PEBP1: variants seen among roughly 807,000 people sequenced by gnomAD.
PEBP1 encodes phosphatidylethanolamine-binding protein 1.
A neutral mutation model predicts 22.7 loss-of-function variants in PEBP1; 17 were observed. That is an observed-to-expected ratio of 0.75 (90% confidence interval 0.51 to 1.12). The LOEUF is 1.12. Among genes scored for constraint, PEBP1 ranks in the 50% most tolerant of loss-of-function variants. The pLI is 0.00. For missense variants in PEBP1, 205 were observed against 243.5 expected (o/e 0.84, Z 1.05); for synonymous variants, 106 against 104.3 (o/e 1.02, Z -0.10).
At chr12:118,140,403 C>T (rs777965368) in intron 3 of PEBP1, among the ~76,000 whole-genome samples, 4 of 152,124 alleles carry the variant, frequency 2.6e-5, no homozygotes, top group African/African-American at 9.7e-5. Context: ...AACCCTCTCA[C>T]GCATGCATAG....
chr12:118,136,437 G>T lies in PEBP1; in HGVS notation c.135+93G>T. 1 of 1,398,572 alleles carries T rather than the reference G, an allele frequency of 7.2e-7. No individual in the cohort carries two copies. The highest frequency in any genetic ancestry group is 9.4e-7 in the Non-Finnish European group (1 of 1,060,650). The allele number at this position is 1,398,572 out of a possible 1,614,324, so 86.6% of individuals were successfully genotyped here. A position where few individuals can be genotyped will look rare whatever the true frequency, so the allele number is the denominator to read the frequency against. Reference sequence around the variant, plus strand: ...ACCCAGCGGAGACAGGGCCAGGGGCGGTGGGGAGGTTCAGCCTGCGTGTGT... The same window carrying T: ...ACCCAGCGGAGACAGGGCCAGGGGCTGTGGGGAGGTTCAGCCTGCGTGTGT... On this transcript the variant is annotated intron_variant, in intron 1 of 3. Transcript: ENST00000261313. The surrounding 1 kb of genome is among the most constrained non-coding windows in gnomAD (Gnocchi z 5.6).
Position 118,139,556 on chromosome 12 carries a change from G to A in PEBP1, c.346+5G>A, listed in dbSNP as rs570592739. On this transcript the variant is annotated splice_donor_5th_base_variant and intron_variant, in intron 3 of 3. Transcript: ENST00000261313. ...CGGGGCCTCCCAAGGGCACAGGTTA[G>A]TAAAGGTTGTTTTTGGTGGGAGGTT... 94 of 1,597,674 alleles carry A rather than the reference G, an allele frequency of 5.9e-5. No homozygotes were observed. The highest frequency in any genetic ancestry group is 4.1e-4 in the Admixed American group (24 of 58,740).
chr12:118,136,317 G>C lies in PEBP1; in HGVS notation c.108G>C (p.Glu36Asp), dbSNP rs368061622. ...HVTYAGAAVD[E>D]LGKVLTPTQV... ...CCTACGCCGGGGCGGCGGTGGACGA[G>C]CTGGGCAAAGTGCTGACGCCCACCC... The change falls in exon 1 of 4, where the codon GAG (glutamate) becomes GAC (aspartate). Residue 36 changes from glutamate to aspartate, a missense_variant. By Grantham distance (45) the Glu-to-Asp change is conservative. Transcript: ENST00000261313. This position sits in a 1 kb window ranked among gnomAD's most constrained non-coding sequence, Gnocchi z 5.6. 1.3e-6 allele frequency: 2 copies of C among 1,544,570 alleles called. No homozygotes were observed. Among genetic ancestry groups the C allele is most frequent in the African/African-American group, 2.7e-5 (2 of 72,884 alleles).
intron 3 of PEBP1, among the ~76,000 whole-genome samples, chr12:118,142,104 C>A (rs147035101): frequency 6.6e-6 from 1 of 151,752 alleles, no homozygotes; most frequent in East Asian, 1.9e-4. Flanking sequence ...AAGACAAATA[C>A]CGTACAATTC....
Position 118,145,002 on chromosome 12 carries a change from G to C in PEBP1, c.*199G>C. Reference sequence around the variant, plus strand: ...ACTCACTCACTCTGATTTATGTTTTGATCAAATTTGAACTTCATTTTGGGG... The same window carrying C: ...ACTCACTCACTCTGATTTATGTTTTCATCAAATTTGAACTTCATTTTGGGG... On this transcript the variant is annotated 3_prime_UTR_variant, in exon 4 of 4. Coordinates refer to ENST00000261313, the MANE Select transcript of PEBP1 (RefSeq NM_002567.4). 6.6e-7 allele frequency: 1 copy of C among 1,512,522 alleles called. No homozygotes were observed. The highest frequency in any genetic ancestry group is 1.7e-4 in the Middle Eastern group (1 of 5,862). The allele number at this position is 1,512,522 out of a possible 1,614,324, so 93.7% of individuals were successfully genotyped here.
chr12:118,141,734 C>CA (rs554125706), intron 3 of PEBP1, among the ~76,000 whole-genome samples: 9 of 149,982 alleles, frequency 6.0e-5, no homozygotes, highest in South Asian at 2.1e-4. Flanking sequence ...CCTCTGCCTC[C>CA]AAAAAAAAAG....
intron 3 of PEBP1, among the ~76,000 whole-genome samples, chr12:118,140,137 A>G (rs2034102116): frequency 6.6e-6 from 1 of 152,198 alleles, no homozygotes; most frequent in Non-Finnish European, 1.5e-5. Context: ...ATTTAGAGAT[A>G]GAAAGAGAAA....
In PEBP1 at chr12:118,136,182, C is replaced by T; in HGVS notation, c.-28C>T. On this transcript the variant is annotated 5_prime_UTR_variant, in exon 1 of 4. Coordinates refer to ENST00000261313, the MANE Select transcript of PEBP1 (RefSeq NM_002567.4). This position sits in a 1 kb window ranked among gnomAD's most constrained non-coding sequence, Gnocchi z 5.6. ...CCGCGCCTGGCCTACCGCGGCACTC[C>T]CGGCTGCACGCTCTGCTTGGCCTCG... is the stretch of plus-strand genomic sequence containing the variant. The T allele has an allele frequency of 1.9e-6, 3 of 1,541,250 alleles. No homozygotes were observed. Among genetic ancestry groups the T allele is most frequent in the Non-Finnish European group, 2.6e-6 (3 of 1,145,864 alleles).
At chr12:118,141,472 G>A (rs533182093) in intron 3 of PEBP1, among the ~76,000 whole-genome samples, 4 of 152,164 alleles carry the variant, frequency 2.6e-5, no homozygotes, top group Non-Finnish European at 4.4e-5. Flanking sequence ...GGTGGCTCAC[G>A]CCTATAATCC....
In PEBP1 at chr12:118,145,481, T is replaced by C. The variant is rs1195010297; in HGVS notation, c.*678T>C. 1 of 157,946 alleles carries C rather than the reference T, an allele frequency of 6.3e-6. No individual in the cohort carries two copies. Among genetic ancestry groups the C allele is most frequent in the Non-Finnish European group, 1.4e-5 (1 of 71,572 alleles). The allele number at this position is 157,946 out of a possible 1,614,324, so 9.8% of individuals were successfully genotyped here. A position where few individuals can be genotyped will look rare whatever the true frequency, so the allele number is the denominator to read the frequency against. ...AACCTGAGATCTGTGTTTTTTAAAT[T>C]GATCGTTCTTCATGGGGGTAAGAAA... On this transcript the variant is annotated 3_prime_UTR_variant, in exon 4 of 4. Transcript: ENST00000261313.
intron 2 of PEBP1, among the ~76,000 whole-genome samples, chr12:118,138,465 C>G: frequency 6.6e-6 from 1 of 152,120 alleles, no homozygotes; most frequent in South Asian, 2.1e-4. Flanking sequence ...GTGGCATGAT[C>G]TTGGCTCACT....
At chr12:118,137,942 C>T (rs1377337875) in intron 1 of PEBP1, 97 bp from the exon 2 acceptor site, 3 of 792,102 alleles carry the variant, frequency 3.8e-6, no homozygotes, top group African/African-American at 3.4e-5. Flanking sequence ...TCTCCTAGGC[C>T]TCCCAAAGTG....
At chr12:118,144,412 G>A (rs1438208507) in intron 3 of PEBP1, among the ~76,000 whole-genome samples, 174 bp from the exon 4 acceptor site, 1 of 152,174 alleles carries the variant, frequency 6.6e-6, no homozygotes, top group Non-Finnish European at 1.5e-5. Context: ...CCATTAATGT[G>A]TTAATTGCCA....
At chr12:118,141,476 ATAATCCCAGCAT>A (rs1283056860) in intron 3 of PEBP1, among the ~76,000 whole-genome samples, 4 of 152,194 alleles carry the variant, frequency 2.6e-5, no homozygotes, top group South Asian at 4.1e-4. Flanking sequence ...GCTCACGCCT[ATAATCCCAGCAT>A]GTTGGGAGGT....
At position 118,136,241 on chromosome 12, in the gene PEBP1, C is replaced by T; in HGVS notation, c.32C>T (p.Pro11Leu). The change falls in exon 1 of 4, where the codon CCC (proline) becomes CTC (leucine). Residue 11 changes from proline (P) to leucine (L), a missense_variant. Coordinates refer to ENST00000261313, the MANE Select transcript of PEBP1 (RefSeq NM_002567.4). This position sits in a 1 kb window ranked among gnomAD's most constrained non-coding sequence, Gnocchi z 5.6. MPVDLSKWSG[P>L]LSLQEVDEQP... ...GTGGACCTCAGCAAGTGGTCCGGGC[C>T]CTTGAGCCTGCAAGAAGTGGACGAG... The T allele has an allele frequency of 1.3e-6, 2 of 1,547,142 alleles. No homozygotes were observed. The highest frequency in any genetic ancestry group is 1.7e-6 in the Non-Finnish European group (2 of 1,146,590).
chr12:118,140,469 T>C (rs1165431744), intron 3 of PEBP1, among the ~76,000 whole-genome samples: 3 of 152,102 alleles, frequency 2.0e-5, no homozygotes, highest in Non-Finnish European at 2.9e-5. Flanking sequence ...AGGGCAGTTA[T>C]AAAATTAGGC....
chr12:118,136,300 G>C lies in PEBP1; in HGVS notation c.91G>C (p.Gly31Arg). ...PQHPLHVTYA[G>R]AAVDELGKVL... is the part of the protein sequence containing the mutation. ...GCACCCGCTGCATGTCACCTACGCC[G>C]GGGCGGCGGTGGACGAGCTGGGCAA... The change falls in exon 1 of 4, where the codon GGG becomes CGG. Residue 31 changes from glycine to arginine, a missense_variant. By Grantham distance (125) the Gly-to-Arg change is moderately radical. Coordinates refer to ENST00000261313, the MANE Select transcript of PEBP1 (RefSeq NM_002567.4). This position sits in a 1 kb window ranked among gnomAD's most constrained non-coding sequence, Gnocchi z 5.6. 1.3e-6 allele frequency: 2 copies of C among 1,546,180 alleles called. No homozygotes were observed. Among genetic ancestry groups the C allele is most frequent in the African/African-American group, 2.7e-5 (2 of 73,016 alleles).
rs984917904 is a variant in PEBP1, at chr12:118,136,358, C to G, written c.135+14C>G. The G allele has an allele frequency of 1.1e-5, 17 of 1,536,526 alleles. No individual in the cohort carries two copies. The South Asian group carries it at 1.6e-4, about 14-fold the overall frequency. On this transcript the variant is annotated intron_variant, in intron 1 of 3. Coordinates refer to ENST00000261313, the MANE Select transcript of PEBP1 (RefSeq NM_002567.4). This position sits in a 1 kb window ranked among gnomAD's most constrained non-coding sequence, Gnocchi z 5.6. Reference sequence around the variant, plus strand: ...ACGCCCACCCAGGTACACCGGGCGGCGGGCGTGCAGCGAGCGGCACGGCGC... The same window carrying G: ...ACGCCCACCCAGGTACACCGGGCGGGGGGCGTGCAGCGAGCGGCACGGCGC...
At position 118,145,306 on chromosome 12, in the gene PEBP1, G is replaced by T. The variant is rs1232880030; in HGVS notation, c.*503G>T. 3.3e-6 allele frequency: 1 copy of T among 301,896 alleles called. No homozygotes were observed. Among genetic ancestry groups the T allele is most frequent in the Non-Finnish European group, 6.4e-6 (1 of 157,094 alleles). 18.7% of individuals were successfully genotyped at this position (301,896 alleles called of 1,614,324 possible). ...GGCATTGAGGCTAACCTCCAACACA[G>T]TGCATCTCAGATGCCTCAGTAGGCA... On this transcript the variant is annotated 3_prime_UTR_variant, in exon 4 of 4. Transcript: ENST00000261313.
Sources: allele counts gnomAD v4.1 joint callset (sites outside exome capture counted in the v4.1 genomes callset), GRCh38; gene constraint gnomAD v4.1.1; non-coding constraint Gnocchi (gnomAD v3.1); transcripts MANE v1.5; gene names NCBI Gene and HGNC (gene_info 2026-07-23, HGNC 2026-07-21).